STK33: variants seen among roughly 807,000 people sequenced by gnomAD.
The protein encoded by STK33 is serine/threonine kinase 33, also known as serine/threonine-protein kinase 33.
A neutral mutation model predicts 58.0 loss-of-function variants in STK33; 52 were observed. The ratio of observed to expected loss-of-function variants is 0.90; its 90% CI spans 0.72 to 1.13. The LOEUF is 1.13. STK33 is among the 50% of genes most tolerant of loss of function. The pLI is 0.00. For synonymous variants in STK33, 215 were observed against 200.1 expected (o/e 1.07, Z -0.63); for missense variants, 630 against 604.2 (o/e 1.04, Z -0.45).
chr11:8,442,741 T>C (rs1409306844), intron 11 of STK33, among the ~76,000 whole-genome samples: 3 of 152,134 alleles, frequency 2.0e-5, no homozygotes, highest in African/African-American at 7.2e-5. Context: ...ACTTTATGCA[T>C]CTAGCAGACA....
intron 15 of STK33, among the ~76,000 whole-genome samples, chr11:8,397,672 G>C (rs1849598308): frequency 6.6e-6 from 1 of 152,220 alleles, no homozygotes; most frequent in African/African-American, 2.4e-5. Flanking sequence ...CGAGCTAAAG[G>C]AGGAAGTCTG....
chr11:8,343,928 G>C, the STK33 span, among the ~76,000 whole-genome samples: 2 of 152,086 alleles, frequency 1.3e-5, no homozygotes, highest in African/African-American at 4.8e-5. Flanking sequence ...CACCAGCTTA[G>C]CTTTGACTGC....
At chr11:8,557,975 T>C (rs982045271) in intron 1 of STK33, among the ~76,000 whole-genome samples, 18 of 152,156 alleles carry the variant, frequency 1.2e-4, no homozygotes, top group Non-Finnish European at 7.4e-5. Flanking sequence ...ACATGAGGCA[T>C]TTGGGACCTT....
At chr11:8,521,415 T>C (rs986931432) in intron 1 of STK33, among the ~76,000 whole-genome samples, 2 of 152,078 alleles carry the variant, frequency 1.3e-5, no homozygotes, top group Non-Finnish European at 2.9e-5. Flanking sequence ...GGAAAACTGG[T>C]CAGCCATATG....
chr11:8,338,857 T>G, the STK33 span, among the ~76,000 whole-genome samples: 2 of 152,138 alleles, frequency 1.3e-5, no homozygotes, highest in Non-Finnish European at 1.5e-5. Flanking sequence ...AATCTCTGAT[T>G]TTTGTCCTCA....
chr11:8,409,391 C>G (rs4586148), intron 15 of STK33, among the ~76,000 whole-genome samples: 1 of 152,270 alleles, frequency 6.6e-6, no homozygotes, highest in South Asian at 2.1e-4. Context: ...TTTAAGGTCT[C>G]TGCTTTCATT....
intron 9 of STK33, 69 bp from the exon 10 acceptor site, chr11:8,454,901 T>C: frequency 7.3e-7 from 1 of 1,373,750 alleles, no homozygotes; most frequent in Non-Finnish European, 9.6e-7. Flanking sequence ...ACATATAGAT[T>C]AAATATATTT....
rs1336488090 is a variant in STK33 at position 8,571,900 on chromosome 11, A to ATTTT, written c.-466+22182_-466+22183insAAAA. On this transcript the variant is annotated intron_variant, in intron 1 of 15. Coordinates refer to ENST00000687296, the MANE Select transcript of STK33 (RefSeq NM_001352389.2). ...ACCACAATAAAAAAAAAATTTTAAA[A>ATTTT]AAATTTAAATTAAAATTAAATTTTA... 2.6e-3 allele frequency among the ~76,000 whole-genome samples: 382 copies of ATTTT among 145,994 alleles called. 1 individual carries two copies. Among genetic ancestry groups the ATTTT allele is most frequent in the African/African-American group, 9.0e-3 (337 of 37,364 alleles).
intron 1 of STK33, among the ~76,000 whole-genome samples, chr11:8,553,830 A>C (rs912713678): frequency 7.9e-5 from 12 of 152,188 alleles, no homozygotes; most frequent in Non-Finnish European, 5.9e-5. Context: ...CTTAAATATA[A>C]GACCCGAAAC....
intron 1 of STK33, among the ~76,000 whole-genome samples, chr11:8,557,241 ACCTTGTG>A (rs1956801345): frequency 5.3e-5 from 3 of 56,688 alleles, no homozygotes; most frequent in South Asian, 1.3e-3. Flanking sequence ...ACAGAGGGGG[ACCTTGTG>A]GGGAAGGGAA....
At chr11:8,377,533 G>C in the STK33 span, among the ~76,000 whole-genome samples, 2 of 152,126 alleles carry the variant, frequency 1.3e-5, no homozygotes, top group African/African-American at 4.8e-5. Context: ...TGGGGAAAAG[G>C]TGAAACATTC....
intron 14 of STK33, among the ~76,000 whole-genome samples, chr11:8,430,783 T>G (rs902228927): frequency 6.6e-6 from 1 of 152,144 alleles, no homozygotes; most frequent in Non-Finnish European, 1.5e-5. Context: ...AATAAATATT[T>G]GTTGAATTAT....
In STK33 at chr11:8,435,586, A is replaced by G. The variant is rs1436832410; in HGVS notation, c.1061-7T>C. On this transcript the variant is annotated splice_region_variant and splice_polypyrimidine_tract_variant and intron_variant, in intron 13 of 15. Coordinates refer to ENST00000687296, the MANE Select transcript of STK33 (RefSeq NM_001352389.2). ...TGTTTCAAAACACTTTTAGCTAAAA[A>G]TAAGAAAAAAATCCTGAAAAATCTT... 1.4e-6 allele frequency: 2 copies of G among 1,471,266 alleles called. No individual in the cohort carries two copies. The highest frequency in any genetic ancestry group is 9.1e-7 in the Non-Finnish European group (1 of 1,099,998). The allele number at this position is 1,471,266 out of a possible 1,614,324, so 91.1% of individuals were successfully genotyped here.
intron 1 of STK33, among the ~76,000 whole-genome samples, chr11:8,507,275 T>C (rs919545495): frequency 6.6e-6 from 1 of 152,172 alleles, no homozygotes; most frequent in South Asian, 2.1e-4. Context: ...ACCCAAAGAT[T>C]GCCTAGGTTC....
chr11:8,508,680 T>C (rs941139088), intron 1 of STK33, among the ~76,000 whole-genome samples: 4 of 152,178 alleles, frequency 2.6e-5, no homozygotes, highest in African/African-American at 9.7e-5. Context: ...GATCCAAAGT[T>C]TGACCAAACT....
At chr11:8,523,002 C>G (rs1482870510) in intron 1 of STK33, among the ~76,000 whole-genome samples, 2 of 152,216 alleles carry the variant, frequency 1.3e-5, no homozygotes, top group Non-Finnish European at 2.9e-5. Flanking sequence ...CCGTGTTGGC[C>G]GGGCTGGTCT....
intron 1 of STK33, among the ~76,000 whole-genome samples, chr11:8,508,738 C>A (rs1303751013): frequency 6.6e-6 from 1 of 152,114 alleles, no homozygotes; most frequent in Non-Finnish European, 1.5e-5. Context: ...AACTTTAACA[C>A]AATGGAGAAT....
intron 1 of STK33, among the ~76,000 whole-genome samples, chr11:8,572,461 C>G (rs1049685680): frequency 6.6e-6 from 1 of 152,102 alleles, no homozygotes; most frequent in Non-Finnish European, 1.5e-5. Context: ...CATATAAAAT[C>G]TGCGAAAATA....
At chr11:8,365,296 A>G in the STK33 span, among the ~76,000 whole-genome samples, 1 of 151,160 alleles carries the variant, frequency 6.6e-6, no homozygotes, top group Non-Finnish European at 1.5e-5. Context: ...AAATTCCTCC[A>G]CTCTCACCCT....
Sources: allele counts gnomAD v4.1 joint callset (sites outside exome capture counted in the v4.1 genomes callset), GRCh38; gene constraint gnomAD v4.1.1; transcripts MANE v1.5; gene names NCBI Gene and HGNC (gene_info 2026-07-23, HGNC 2026-07-21).